The following ADAMTS13 variants were observed in gnomAD, a reference collection of about 807,000 sequenced individuals.
ADAMTS13 encodes the protein A disintegrin and metalloproteinase with thrombospondin motifs 13.
ADAMTS13 carries 110 observed loss-of-function variants against 155.1 expected under a neutral mutation model. The ratio of observed to expected loss-of-function variants is 0.71; its 90% CI spans 0.61 to 0.83. The LOEUF (loss-of-function observed/expected upper bound fraction) is 0.83, where lower values mean the gene tolerates loss of function less well. Ranked by LOEUF, ADAMTS13 falls within the 40% of genes least tolerant of loss-of-function variation. The pLI is 0.00. For missense variants in ADAMTS13, 1,707 were observed against 1,891.7 expected, an observed-to-expected ratio of 0.90 and a Z score of 1.81; for synonymous variants, 758 against 756.4, an observed-to-expected ratio of 1.00 and a Z score of -0.03.
chr9:133,418,749 T>C (rs1839825806), upstream of ADAMTS13, among the ~76,000 whole-genome samples: 2 of 152,250 alleles, frequency 1.3e-5, no homozygotes, highest in East Asian at 3.9e-4. Context: ...ATACAATGTC[T>C]GAAATCTATA....
intron 23 of ADAMTS13, among the ~76,000 whole-genome samples, chr9:133,450,286 A>T (rs1842355182): frequency 6.6e-6 from 1 of 151,596 alleles, no homozygotes; most frequent in African/African-American, 2.4e-5. Flanking sequence ...TACAACAATT[A>T]GGCTGGGCGC....
Position 133,426,217 on chromosome 9 carries a change from T to C in ADAMTS13, c.558T>C (p.Pro186=). 1.9e-6 allele frequency: 3 copies of C among 1,613,870 alleles called. No individual in the cohort carries two copies. The highest frequency in any genetic ancestry group is 2.5e-6 in the Non-Finnish European group (3 of 1,179,996). ...CACCGAGGTTTGACCTGGAGTTGCC[T>C]GATGGTAACCGGCAGGTGCGGGGCG... ...LYITRFDLEL[P]DGNRQVRGVT... The change falls in exon 6 of 29, where the codon CCT becomes CCC. Residue 186 remains proline (P), a synonymous_variant. Transcript: ENST00000355699.
intron 27 of ADAMTS13, among the ~76,000 whole-genome samples, chr9:133,457,211 C>G (rs55853928): frequency 1.8e-3 from 275 of 152,310 alleles, no homozygotes; most frequent in African/African-American, 6.4e-3. Flanking sequence ...TGATAGCCCT[C>G]TCGGTTGTCC....
Position 133,440,455 on chromosome 9 carries a change from C to A in ADAMTS13, c.1898C>A (p.Thr633Asn). The part of the protein sequence containing the change: ...DGRVEYRVAL[T>N]EDRLPRLEEI... ...CGTGTCGAGTACAGAGTGGCCCTCA[C>A]CGAGGACCGGCTGCCCCGCCTGGAG... is the stretch of plus-strand genomic sequence containing the variant. Residue 633 changes from threonine to asparagine, a missense_variant, in exon 16 of 29, where the codon ACC (threonine) becomes AAC (asparagine). Thr to Asn is a moderately conservative substitution (Grantham distance 65). This residue lies in a region of ADAMTS13 where 961 missense variants were observed against 1,107.9 expected (regional missense o/e 0.87). Transcript: ENST00000355699. The surrounding 1 kb of genome is among the most constrained non-coding windows in gnomAD (Gnocchi z 4.3). 6.2e-7 allele frequency: 1 copy of A among 1,613,740 alleles called. No individual in the cohort carries two copies. Among genetic ancestry groups the A allele is most frequent in the South Asian group, 1.1e-5 (1 of 91,082 alleles).
Position 133,432,598 on chromosome 9 carries a change from A to T in ADAMTS13, c.998A>T (p.Gln333Leu). The T allele has an allele frequency of 1.9e-6, 3 of 1,552,800 alleles. No individual in the cohort carries two copies. Among genetic ancestry groups the T allele is most frequent in the Non-Finnish European group, 2.6e-6 (3 of 1,148,030 alleles). Reference protein sequence around the residue: ...TFAREHLDMCQALSCHTDPLD... With the variant: ...TFAREHLDMCLALSCHTDPLD... The stretch of plus-strand genomic sequence containing the variant: ...TGTCCACCCTCCTAGGATATGTGCC[A>T]GGCCCTCTCCTGCCACACAGACCCG... The change falls in exon 9 of 29, where the codon CAG (glutamine) becomes CTG (leucine). Residue 333 changes from glutamine to leucine, a missense_variant. By Grantham distance (113) the Gln-to-Leu change is moderately radical (BLOSUM62 -2). Transcript: ENST00000355699.
intron 9 of ADAMTS13, among the ~76,000 whole-genome samples, chr9:133,433,031 G>A (rs1840888094): frequency 6.6e-6 from 1 of 150,862 alleles, no homozygotes; most frequent in Non-Finnish European, 1.5e-5. Context: ...GTCCCTGTGG[G>A]TGGGGTCCTT....
chr9:133,454,683 T>C (rs1022059654), intron 24 of ADAMTS13, 64 bp downstream of exon 24: 4 of 1,513,366 alleles, frequency 2.6e-6, no homozygotes, highest in African/African-American at 1.4e-5. Context: ...TGGCTCCTCA[T>C]GTGTGAGGGA....
chr9:133,452,698 T>TG (rs1352499309), intron 23 of ADAMTS13, among the ~76,000 whole-genome samples: 1 of 152,024 alleles, frequency 6.6e-6, no homozygotes, highest in African/African-American at 2.4e-5. Flanking sequence ...TTTTTAGAGA[T>TG]GGGGTCTCAC....
intron 23 of ADAMTS13, among the ~76,000 whole-genome samples, chr9:133,452,961 G>A (rs986913122): frequency 6.6e-6 from 1 of 152,110 alleles, no homozygotes; most frequent in African/African-American, 2.4e-5. Context: ...CCCCAGGCTC[G>A]GCTCAGACAC....
chr9:133,417,268 C>T (rs1186182675), upstream of ADAMTS13, among the ~76,000 whole-genome samples: 2 of 152,236 alleles, frequency 1.3e-5, no homozygotes, highest in African/African-American at 2.4e-5. Flanking sequence ...CTGCCCGCCT[C>T]GGCCTCCCAA....
chr9:133,421,593 C>T (rs915597131), upstream of ADAMTS13, among the ~76,000 whole-genome samples: 1 of 152,212 alleles, frequency 6.6e-6, no homozygotes, highest in African/African-American at 2.4e-5. Flanking sequence ...GTGTCTAGCA[C>T]AGAGCCTGGC....
In ADAMTS13 at chr9:133,441,360, C is replaced by T. The variant is rs1053817369; in HGVS notation, c.1968+835C>T. 2.6e-5 allele frequency among the ~76,000 whole-genome samples: 4 copies of T among 152,214 alleles called. No individual in the cohort carries two copies. Among genetic ancestry groups the T allele is most frequent in the Non-Finnish European group, 4.4e-5 (3 of 68,030 alleles). On this transcript the variant is annotated intron_variant, in intron 16 of 28. Transcript: ENST00000355699. This position sits in a 1 kb window ranked among gnomAD's most constrained non-coding sequence, Gnocchi z 5.0. The stretch of plus-strand genomic sequence containing the variant: ...CCCCTGATATGGTTCCCTTCCTCCC[C>T]TCCCCTTGCCTGGGACATTGTATCC...
In ADAMTS13 at chr9:133,442,678, G is replaced by C; in HGVS notation, c.2169G>C (p.Gln723His). ...QARKELVETVQCQGSQQPPAW... is the reference protein window; with the variant it reads ...QARKELVETVHCQGSQQPPAW... ...GGAAGGAGTTGGTGGAGACTGTCCA[G>C]TGCCAAGGGAGCCAGCAGCCACCAG... Residue 723 changes from glutamine to histidine, a missense_variant, in exon 18 of 29, where the codon CAG becomes CAC. Coordinates refer to ENST00000355699, the MANE Select transcript of ADAMTS13 (RefSeq NM_139027.6). 1 of 1,613,134 alleles carries C rather than the reference G, an allele frequency of 6.2e-7. No homozygotes were observed. Among genetic ancestry groups the C allele is most frequent in the Non-Finnish European group, 8.5e-7 (1 of 1,180,010 alleles).
upstream of ADAMTS13, chr9:133,418,096 A>G (rs1839789092): frequency 5.7e-6 from 3 of 524,042 alleles, no homozygotes; most frequent in Non-Finnish European, 1.0e-5. Flanking sequence ...GGTTCCGCGC[A>G]GCCTGGGCGG....
rs1554793889 is a variant in ADAMTS13 at position 133,449,903 on chromosome 9, G to C, written c.2982G>C (p.Gln994His). Reference sequence around the variant, plus strand: ...GTGAGGAGATCCTGTTGGACACCCAGTGCCAGGGGCTGCCTCGCCCGGAAC... The same window carrying C: ...GTGAGGAGATCCTGTTGGACACCCACTGCCAGGGGCTGCCTCGCCCGGAAC... ...DDGEEILLDT[Q>H]CQGLPRPEPQ... The change falls in exon 23 of 29, where the codon CAG becomes CAC. Residue 994 changes from glutamine (Q) to histidine (H), a missense_variant. Gln to His is a conservative substitution (Grantham distance 24). Coordinates refer to ENST00000355699, the MANE Select transcript of ADAMTS13 (RefSeq NM_139027.6). 7.4e-6 allele frequency: 12 copies of C among 1,613,520 alleles called. No individual in the cohort carries two copies. The highest frequency in any genetic ancestry group is 1.0e-5 in the Non-Finnish European group (12 of 1,179,994).
chr9:133,421,039 T>G (rs782247313), upstream of ADAMTS13, among the ~76,000 whole-genome samples: 2 of 152,070 alleles, frequency 1.3e-5, no homozygotes, highest in Non-Finnish European at 2.9e-5. Context: ...GCCGAGGCAG[T>G]CAGCTCACCT....
At chr9:133,432,507 G>A (rs1331209342) in intron 8 of ADAMTS13, 81 bp from the exon 9 acceptor site, 2 of 1,233,776 alleles carry the variant, frequency 1.6e-6, no homozygotes, top group South Asian at 1.3e-5. Context: ...CTGCAGTCTG[G>A]GAGGGACAGT....
chr9:133,424,470 C>A lies in ADAMTS13; in HGVS notation c.322C>A (p.Leu108Ile), dbSNP rs1840149083. The part of the protein sequence containing the change: ...EDTERYVLTN[L>I]NIGAELLRDP... The stretch of plus-strand genomic sequence containing the variant: ...CACAGAGCGCTATGTGCTCACCAAC[C>A]TCAACATCGTGAGTGCCCCACGCTG... The change falls in exon 3 of 29, where the codon CTC (leucine) becomes ATC (isoleucine). Residue 108 changes from leucine (L) to isoleucine (I), a missense_variant. Leu to Ile is a conservative substitution (Grantham distance 5). Coordinates refer to ENST00000355699, the MANE Select transcript of ADAMTS13 (RefSeq NM_139027.6). The surrounding 1 kb of genome is among the most constrained non-coding windows in gnomAD (Gnocchi z 4.3). 1 of 1,613,416 alleles carries A rather than the reference C, an allele frequency of 6.2e-7. No individual in the cohort carries two copies. Among genetic ancestry groups the A allele is most frequent in the Non-Finnish European group, 8.5e-7 (1 of 1,179,778 alleles).
chr9:133,441,662 C>G lies in ADAMTS13; in HGVS notation c.1969-737C>G, dbSNP rs1290818346. On this transcript the variant is annotated intron_variant, in intron 16 of 28. Transcript: ENST00000355699. This position sits in a 1 kb window ranked among gnomAD's most constrained non-coding sequence, Gnocchi z 5.0. ...AGTTACCCTCCTGAAGAGCCTTAGG[C>G]CCAGGAACCTGCTGAAGTTCTTCCT... is the stretch of plus-strand genomic sequence containing the variant. Among the ~76,000 whole-genome samples, 2 of 152,200 alleles carry G rather than the reference C, an allele frequency of 1.3e-5. No homozygotes were observed. Among genetic ancestry groups the G allele is most frequent in the Non-Finnish European group, 2.9e-5 (2 of 68,022 alleles).
Sources: allele counts gnomAD v4.1 joint callset (sites outside exome capture counted in the v4.1 genomes callset), GRCh38; gene constraint gnomAD v4.1.1; regional missense constraint gnomAD v4.1.1; non-coding constraint Gnocchi (gnomAD v3.1); transcripts MANE v1.5; gene names NCBI Gene and HGNC (gene_info 2026-07-23, HGNC 2026-07-21).